LINGO1: variants seen among roughly 807,000 people sequenced by gnomAD.
The protein encoded by LINGO1 is leucine-rich repeat and immunoglobulin-like domain-containing nogo receptor-interacting protein 1.
A neutral mutation model predicts 37.3 loss-of-function variants in LINGO1; 11 were observed. The observed-to-expected ratio is 0.29, with a 90% CI of 0.19 to 0.49. The LOEUF is 0.49. LINGO1 is among the 20% of genes least tolerant of loss of function. LINGO1 has a pLI of 0.99. For missense variants in LINGO1, 585 were observed against 878.2 expected (o/e 0.67, Z 4.22); for synonymous variants, 387 against 403.0 (o/e 0.96, Z 0.48).
intron 1 of LINGO1, among the ~76,000 whole-genome samples, chr15:77,771,579 C>A (rs1231526768): frequency 3.9e-5 from 6 of 152,348 alleles, no homozygotes; most frequent in Admixed American, 2.6e-4. Flanking sequence ...GGGAAAGAAG[C>A]CTCCAACCTG....
intron 2 of LINGO1, among the ~76,000 whole-genome samples, chr15:77,711,371 G>A (rs1195030286): frequency 1.3e-5 from 2 of 152,218 alleles, no homozygotes; most frequent in East Asian, 3.8e-4. Flanking sequence ...AAGACTGGCC[G>A]ATAACGAAGA....
intron 1 of LINGO1, among the ~76,000 whole-genome samples, chr15:77,748,514 T>C (rs1364777638): frequency 6.6e-6 from 1 of 152,092 alleles, no homozygotes; most frequent in Non-Finnish European, 1.5e-5. Flanking sequence ...CCAACCCCTT[T>C]GATGCCCTGC....
intron 1 of LINGO1, among the ~76,000 whole-genome samples, chr15:77,623,830 C>CTGTGTG (rs546359026): frequency 2.0e-5 from 3 of 150,002 alleles, no homozygotes; most frequent in Non-Finnish European, 4.5e-5. Context: ...CCCGGGGTGT[C>CTGTGTG]TGTGTGTGTG....
At chr15:77,809,953 G>A (rs2076990096) in intron 1 of LINGO1, among the ~76,000 whole-genome samples, 1 of 152,128 alleles carries the variant, frequency 6.6e-6, no homozygotes, top group Admixed American at 6.5e-5. Context: ...GCAGGGATCA[G>A]GAGGTGTCCT....
At chr15:77,804,064 G>A (rs80046146) in intron 1 of LINGO1, among the ~76,000 whole-genome samples, 8,274 of 152,182 alleles carry the variant, frequency 0.054, 334 homozygotes, top group Non-Finnish European at 0.083. Flanking sequence ...CATGTCACCT[G>A]GGGAATGAGT....
intron 3 of LINGO1, among the ~76,000 whole-genome samples, chr15:77,664,354 G>T (rs2075081675): frequency 1.3e-5 from 2 of 152,146 alleles, no homozygotes; most frequent in African/African-American, 4.8e-5. Flanking sequence ...GCCTGGCCTT[G>T]CCACCAGGAG....
intron 3 of LINGO1, among the ~76,000 whole-genome samples, chr15:77,666,637 A>G (rs966893436): frequency 6.6e-6 from 1 of 152,176 alleles, no homozygotes; most frequent in African/African-American, 2.4e-5. Context: ...ACCACTTAAC[A>G]ACCTTGTGAT....
chr15:77,782,267 G>A (rs1297251400), intron 1 of LINGO1, among the ~76,000 whole-genome samples: 5 of 151,980 alleles, frequency 3.3e-5, no homozygotes, highest in South Asian at 4.2e-4. Flanking sequence ...ACACATGTGC[G>A]TCAGCAGGAG....
chr15:77,669,295 C>G (rs914585344), intron 3 of LINGO1, among the ~76,000 whole-genome samples: 6 of 152,232 alleles, frequency 3.9e-5, no homozygotes, highest in Admixed American at 2.6e-4. Context: ...ACTCTGCCAG[C>G]CCCTAGCTGA....
intron 2 of LINGO1, among the ~76,000 whole-genome samples, chr15:77,733,983 C>T (rs10851896): frequency 0.33 from 50,294 of 152,098 alleles, 9,709 homozygotes; most frequent in Admixed American, 0.49. Context: ...CTTCTACACA[C>T]GACACAGTGC....
chr15:77,747,703 C>T (rs1278265323), intron 1 of LINGO1, among the ~76,000 whole-genome samples: 1 of 152,234 alleles, frequency 6.6e-6, no homozygotes, highest in Non-Finnish European at 1.5e-5. Flanking sequence ...CAATGCAGAG[C>T]CAGGCGGGCC....
chr15:77,673,602 T>A (rs1265905123), intron 3 of LINGO1, among the ~76,000 whole-genome samples: 1 of 152,224 alleles, frequency 6.6e-6, no homozygotes, highest in African/African-American at 2.4e-5. Context: ...CTGTTCCCCC[T>A]CAGCTCCCCA....
chr15:77,711,941 T>C (rs1157880949), intron 2 of LINGO1, among the ~76,000 whole-genome samples: 2 of 152,164 alleles, frequency 1.3e-5, no homozygotes, highest in Admixed American at 1.3e-4. Flanking sequence ...GGCAGGCTGA[T>C]GTGCTCCCTG....
intron 2 of LINGO1, among the ~76,000 whole-genome samples, chr15:77,722,075 G>A (rs1253684653): frequency 6.6e-6 from 1 of 152,180 alleles, no homozygotes; most frequent in Non-Finnish European, 1.5e-5. Flanking sequence ...ATGTGTGTAG[G>A]TGACACCACG....
At chr15:77,617,213 C>T (rs897236252) in intron 1 of LINGO1, among the ~76,000 whole-genome samples, 1 of 152,188 alleles carries the variant, frequency 6.6e-6, no homozygotes, top group African/African-American at 2.4e-5. Flanking sequence ...TCTCCCACCC[C>T]CTGTTCAGAG....
intron 1 of LINGO1, among the ~76,000 whole-genome samples, chr15:77,746,513 G>A (rs958520492): frequency 6.6e-6 from 1 of 152,166 alleles, no homozygotes; most frequent in Non-Finnish European, 1.5e-5. Flanking sequence ...CTGAACCTGT[G>A]GTCTGGCTGG....
chr15:77,630,881 G>A (rs74025331), intron 1 of LINGO1, among the ~76,000 whole-genome samples: 3 of 152,036 alleles, frequency 2.0e-5, no homozygotes, highest in African/African-American at 4.8e-5. Context: ...GTCTCTCCCC[G>A]GTGCCACCCT....
chr15:77,690,093 C>T (rs902443211), intron 2 of LINGO1, among the ~76,000 whole-genome samples: 2 of 152,168 alleles, frequency 1.3e-5, no homozygotes, highest in East Asian at 1.9e-4. Context: ...TTGTTATTTG[C>T]CTTCCCTAGT....
intron 1 of LINGO1, among the ~76,000 whole-genome samples, chr15:77,804,266 G>A (rs928128179): frequency 1.3e-5 from 2 of 152,216 alleles, no homozygotes; most frequent in Non-Finnish European, 2.9e-5. Context: ...CACCAGGCAG[G>A]AACAGGGCAA....
Sources: gnomAD v4.1 joint callset for allele counts (sites outside exome capture counted in the v4.1 genomes callset) on GRCh38, gnomAD v4.1.1 for gene constraint, MANE v1.5 for transcripts, NCBI Gene and HGNC (gene_info 2026-07-23, HGNC 2026-07-21) for gene names.